Variants in HEATR5A observed in about 807,000 individuals in gnomAD.
HEATR5A encodes HEAT repeat containing 5A.
A neutral mutation model predicts 218.8 loss-of-function variants in HEATR5A; 178 were observed. The ratio of observed to expected loss-of-function variants is 0.81; its 90% CI spans 0.72 to 0.92. The LOEUF is 0.92. Among genes scored for constraint, HEATR5A ranks in the 40% least tolerant of loss-of-function variants. The probability of loss-of-function intolerance (pLI) is 0.00; values close to 1 mark genes in which losing one functional copy is unlikely to be tolerated. For missense variants in HEATR5A, 2,420 were observed against 2,418.9 expected (o/e 1.00, Z -0.01); for synonymous variants, 864 against 871.6 (o/e 0.99, Z 0.15).
At chr14:31,386,019 G>A (rs949115331) in intron 9 of HEATR5A, among the ~76,000 whole-genome samples, 1 of 152,118 alleles carries the variant, frequency 6.6e-6, no homozygotes, top group Admixed American at 6.6e-5. Context: ...GAGCCACTGT[G>A]CCTAGCCATG....
At chr14:31,368,002 C>T (rs1901869085) in intron 13 of HEATR5A, among the ~76,000 whole-genome samples, 1 of 151,972 alleles carries the variant, frequency 6.6e-6, no homozygotes, top group Admixed American at 6.6e-5. Flanking sequence ...AAACTGAATC[C>T]TGCTATGGGG....
In HEATR5A at chr14:31,293,404, C is replaced by T; in HGVS notation, c.6042G>A (p.Lys2014=). 4 of 1,613,874 alleles carry T rather than the reference C, an allele frequency of 2.5e-6. No individual in the cohort carries two copies. The highest frequency in any genetic ancestry group is 3.4e-6 in the Non-Finnish European group (4 of 1,179,830). The change falls in exon 36 of 36, where the codon AAG becomes AAA. Residue 2014 remains lysine, a synonymous_variant. Coordinates refer to ENST00000543095, the MANE Select transcript of HEATR5A (RefSeq NM_015473.4). ...TGACTTTGACACTTTCCTGATTGCC[C>T]TTTATAGCAGCCTCAAGGCGGGCTT... ...ALKARLEAAI[K]GNQESVKVKI... is the part of the protein sequence containing the mutation.
chr14:31,385,692 G>T (rs902243437), intron 9 of HEATR5A, among the ~76,000 whole-genome samples: 1 of 151,996 alleles, frequency 6.6e-6, no homozygotes, highest in South Asian at 2.1e-4. Context: ...TCCCTGAATT[G>T]TATACCTTAT....
At chr14:31,371,740 C>T in intron 13 of HEATR5A, 70 bp downstream of exon 13, 1 of 608,094 alleles carries the variant, frequency 1.6e-6, no homozygotes. Context: ...AGAAATTTGC[C>T]TTATTAATGT....
In HEATR5A at chr14:31,359,058, C is replaced by CT; in HGVS notation, c.2072-2dup. 1 of 1,593,342 alleles carries CT rather than the reference C, an allele frequency of 6.3e-7. No individual in the cohort carries two copies. The highest frequency in any genetic ancestry group is 2.2e-5 in the East Asian group (1 of 44,718). ...TCTCTGAGGATAGCACAGAGGTTTC[C>CT]TGTTGAGTCACAGAAAAAGAGCAAT... On this transcript the variant is annotated splice_acceptor_variant, in intron 14 of 35. Coordinates refer to ENST00000543095, the MANE Select transcript of HEATR5A (RefSeq NM_015473.4). LOFTEE classifies it high-confidence loss of function.
rs1900116165 is a variant in HEATR5A, at chr14:31,321,772, T to G, written c.3788-92A>C. The G allele has an allele frequency of 4.0e-6, 4 of 1,003,214 alleles. No individual in the cohort carries two copies. The African/African-American group carries it at 6.6e-5, about 16-fold the overall frequency. The allele number at this position is 1,003,214 out of a possible 1,614,324, so 62.1% of individuals were successfully genotyped here. ...TAAGACTTACATTAAGTGATAATTTTTCCTCCTTTAAGTACCTCTGACTTG... is the reference window on the plus strand; with the variant it reads ...TAAGACTTACATTAAGTGATAATTTGTCCTCCTTTAAGTACCTCTGACTTG... On this transcript the variant is annotated intron_variant, in intron 24 of 35. Coordinates refer to ENST00000543095, the MANE Select transcript of HEATR5A (RefSeq NM_015473.4).
intron 19 of HEATR5A, among the ~76,000 whole-genome samples, chr14:31,346,556 T>C (rs1595121323): frequency 6.6e-6 from 1 of 152,116 alleles, no homozygotes; most frequent in East Asian, 1.9e-4. Flanking sequence ...AATGTAGACA[T>C]GAGAATGACA....
intron 10 of HEATR5A, 56 bp from the exon 11 acceptor site, chr14:31,380,634 A>G: frequency 9.6e-7 from 1 of 1,039,598 alleles, no homozygotes; most frequent in Non-Finnish European, 1.4e-6. Flanking sequence ...AAATTACTAA[A>G]TGATAGCAGC....
rs182360179 is a variant in HEATR5A, at chr14:31,378,737, G to A, written c.1708+1730C>T. On this transcript the variant is annotated intron_variant, in intron 11 of 35. Coordinates refer to ENST00000543095, the MANE Select transcript of HEATR5A (RefSeq NM_015473.4). ...CAGGAGGTAGAGCTTGCAGTGAGCC[G>A]AGATCGCGCCACTGCACTCCAGCCT... Among the ~76,000 whole-genome samples the A allele has an allele frequency of 6.0e-3, 866 of 144,358 alleles. 12 individuals are homozygous for A. Among genetic ancestry groups the A allele is most frequent in the African/African-American group, 0.021 (822 of 39,286 alleles). 94.7% of individuals were successfully genotyped at this position (144,358 alleles called of 152,430 possible). A position where few individuals can be genotyped will look rare whatever the true frequency, so the allele number is the denominator to read the frequency against.
chr14:31,302,654 G>A (rs1452810110), intron 32 of HEATR5A, 135 bp from the exon 33 acceptor site: 2 of 633,446 alleles, frequency 3.2e-6, no homozygotes, highest in East Asian at 5.5e-5. Flanking sequence ...AATTATAACT[G>A]TTAAGATAAT....
intron 6 of HEATR5A, among the ~76,000 whole-genome samples, chr14:31,393,615 A>G (rs1363807852): frequency 6.6e-6 from 1 of 152,150 alleles, no homozygotes; most frequent in East Asian, 1.9e-4. Context: ...ATTGTTTCAA[A>G]TGAAATCTCA....
chr14:31,330,294 G>T lies in HEATR5A; in HGVS notation c.3368-3952C>A, dbSNP rs555053116. ...TGGGGCTTGCACTCTCTGAAGCAATGGCCTGAGCTGTACCTTGGTCCCTTT... is the reference window on the plus strand; with the variant it reads ...TGGGGCTTGCACTCTCTGAAGCAATTGCCTGAGCTGTACCTTGGTCCCTTT... On this transcript the variant is annotated intron_variant, in intron 22 of 35. Coordinates refer to ENST00000543095, the MANE Select transcript of HEATR5A (RefSeq NM_015473.4). Among the ~76,000 whole-genome samples the T allele has an allele frequency of 4.6e-5, 7 of 152,268 alleles. No individual in the cohort carries two copies. In the East Asian group the frequency reaches 1.2e-3, roughly 25 times the overall value.
chr14:31,373,235 T>C (rs1902105018), intron 12 of HEATR5A, among the ~76,000 whole-genome samples: 1 of 152,094 alleles, frequency 6.6e-6, no homozygotes, highest in Non-Finnish European at 1.5e-5. Flanking sequence ...AAAAGTGGTT[T>C]TTCTTTAACA....
chr14:31,315,140 C>T (rs1368260039), intron 27 of HEATR5A, among the ~76,000 whole-genome samples: 1 of 152,046 alleles, frequency 6.6e-6, no homozygotes, highest in African/African-American at 2.4e-5. Context: ...TCCATTTGTA[C>T]CCCAGCCTCG....
At chr14:31,294,155 A>C in intron 34 of HEATR5A, 51 bp from the exon 35 acceptor site, 1 of 1,228,258 alleles carries the variant, frequency 8.1e-7, no homozygotes, top group Non-Finnish European at 1.1e-6. Flanking sequence ...AATTTTTAAA[A>C]AGTCCCTGAG....
chr14:31,310,311 C>A (rs961181264), intron 28 of HEATR5A, among the ~76,000 whole-genome samples: 9 of 152,122 alleles, frequency 5.9e-5, no homozygotes, highest in Non-Finnish European at 1.2e-4. Context: ...CTGAGACTAC[C>A]AGCATGCACC....
chr14:31,344,332 C>T (rs1022098681), intron 20 of HEATR5A, among the ~76,000 whole-genome samples: 3 of 125,862 alleles, frequency 2.4e-5, no homozygotes, highest in African/African-American at 9.2e-5. Flanking sequence ...GGCTGGAGTG[C>T]GATGGTGCCA....
intron 13 of HEATR5A, among the ~76,000 whole-genome samples, chr14:31,370,225 CAA>C (rs572866314): frequency 1.9e-5 from 2 of 107,104 alleles, no homozygotes; most frequent in African/African-American, 3.4e-5. Flanking sequence ...GACTACGTCT[CAA>C]AAAAAAAAAA....
At chr14:31,404,550 T>C (rs981250312) in intron 1 of HEATR5A, among the ~76,000 whole-genome samples, 2 of 152,184 alleles carry the variant, frequency 1.3e-5, no homozygotes, top group Non-Finnish European at 2.9e-5. Context: ...GGTTCCCTGT[T>C]GGTCAAGACT....
Sources: allele counts gnomAD v4.1 joint callset (sites outside exome capture counted in the v4.1 genomes callset), GRCh38; gene constraint gnomAD v4.1.1; transcripts MANE v1.5; gene names NCBI Gene and HGNC (gene_info 2026-07-23, HGNC 2026-07-21).